The following DYNC1LI1 variants were observed in gnomAD, a reference collection of about 807,000 sequenced individuals.
The protein encoded by DYNC1LI1 is cytoplasmic dynein 1 light intermediate chain 1.
DYNC1LI1 carries 19 observed loss-of-function variants against 63.8 expected under a neutral mutation model. The ratio of observed to expected loss-of-function variants is 0.30; its 90% confidence interval spans 0.21 to 0.44. The LOEUF (loss-of-function observed/expected upper bound fraction) is 0.44, where lower values mean the gene tolerates loss of function less well. Ranked by LOEUF, DYNC1LI1 falls within the 20% of genes least tolerant of loss-of-function variation. The pLI is 1.00. For synonymous variants in DYNC1LI1, 225 were observed against 232.3 expected, an observed-to-expected ratio of 0.97 and a Z score of 0.28; for missense variants, 565 against 630.2, an observed-to-expected ratio of 0.90 and a Z score of 1.11.
rs367562723 is a variant in DYNC1LI1 at position 32,533,033 on chromosome 3, C to T, written c.1033G>A (p.Ala345Thr). 1.2e-5 allele frequency: 20 copies of T among 1,603,158 alleles called. No individual in the cohort carries two copies. The highest frequency in any genetic ancestry group is 1.6e-5 in the Non-Finnish European group (19 of 1,177,512). ...ATGATGTCTTCAAAATTATCTTCTG[C>T]TTTTAATGTTTGAAAATTTTCATGT... is the stretch of plus-strand genomic sequence containing the variant. ...ILHENFQTLKAEDNFEDIITK... is the reference protein window; with the variant it reads ...ILHENFQTLKTEDNFEDIITK... The change falls in exon 8 of 13, where the codon GCA becomes ACA. Residue 345 changes from alanine (A) to threonine (T), a missense_variant. Physicochemically the swap from Ala to Thr is moderately conservative, Grantham distance 58. Coordinates refer to ENST00000273130, the MANE Select transcript of DYNC1LI1 (RefSeq NM_016141.4).
chr3:32,542,523 T>C (rs1278562292), intron 4 of DYNC1LI1, among the ~76,000 whole-genome samples: 6 of 151,084 alleles, frequency 4.0e-5, no homozygotes, highest in South Asian at 2.1e-4. Flanking sequence ...TTCTCCTGCC[T>C]CAGCCTCCCA....
At chr3:32,550,763 G>A (rs60551225) in intron 2 of DYNC1LI1, among the ~76,000 whole-genome samples, 3,183 of 152,236 alleles carry the variant, frequency 0.021, 172 homozygotes, top group East Asian at 0.2. Context: ...AATATTGAGT[G>A]GGGCCTAAGA....
rs1246026337 is a variant in DYNC1LI1, at chr3:32,536,606, G to A, written c.832+405C>T. ...AGCCAGATTTTGAAACCACTGTTAG[G>A]CTATATGTGGAGAAGATGACAACAC... is the stretch of plus-strand genomic sequence containing the variant. On this transcript the variant is annotated intron_variant, in intron 6 of 12. Transcript: ENST00000273130. 2.0e-5 allele frequency among the ~76,000 whole-genome samples: 3 copies of A among 152,048 alleles called. No individual in the cohort carries two copies. In the East Asian group the frequency reaches 5.8e-4, roughly 29 times the overall value.
intron 2 of DYNC1LI1, chr3:32,570,091 G>A: frequency 3.2e-6 from 2 of 624,926 alleles, no homozygotes; most frequent in East Asian, 3.0e-5. Context: ...GTCCTTCCCA[G>A]GGGAAGCTGT....
intron 6 of DYNC1LI1, among the ~76,000 whole-genome samples, chr3:32,535,803 T>C (rs1313369236): frequency 3.3e-5 from 5 of 152,236 alleles, no homozygotes; most frequent in African/African-American, 1.2e-4. Context: ...TTTTGTATTC[T>C]TTTAAAATCA....
chr3:32,567,836 T>C (rs911560080), intron 2 of DYNC1LI1, among the ~76,000 whole-genome samples: 3 of 151,458 alleles, frequency 2.0e-5, no homozygotes, highest in Admixed American at 2.0e-4. Flanking sequence ...CCCGAGTAAC[T>C]GGGATTACAG....
chr3:32,560,957 GCAC>G (rs1317279833), intron 2 of DYNC1LI1, among the ~76,000 whole-genome samples: 1 of 117,608 alleles, frequency 8.5e-6, no homozygotes, highest in East Asian at 2.8e-4. Context: ...AGCCAAGACT[GCAC>G]CACTGCACTC....
intron 5 of DYNC1LI1, among the ~76,000 whole-genome samples, chr3:32,537,971 T>TTATATATATA (rs377104383): frequency 2.9e-5 from 1 of 34,902 alleles, no homozygotes; most frequent in African/African-American, 1.6e-4. Flanking sequence ...AATATATATA[T>TTATATATATA]ATTTATATAT....
At chr3:32,563,343 T>C (rs1288415123) in intron 2 of DYNC1LI1, among the ~76,000 whole-genome samples, 3 of 146,574 alleles carry the variant, frequency 2.0e-5, no homozygotes, top group African/African-American at 7.6e-5. Flanking sequence ...CAGGCTGGAG[T>C]GCGGTGGCAC....
At position 32,529,630 on chromosome 3, in the gene DYNC1LI1, G is replaced by T. The variant is rs770743376; in HGVS notation, c.1216C>A (p.Pro406Thr). The T allele has an allele frequency of 6.2e-7, 1 of 1,608,842 alleles. No individual in the cohort carries two copies. The highest frequency in any genetic ancestry group is 8.5e-7 in the Non-Finnish European group (1 of 1,177,792). ...DASPRVPGGS[P>T]RTPNRSVSSN... is the part of the protein sequence containing the mutation. ...GATACAGATCTATTTGGTGTTCGTG[G>T]GGAGCCTCCTGGGACTCTTGGTGAG... is the stretch of plus-strand genomic sequence containing the variant. Residue 406 changes from proline (P) to threonine (T), a missense_variant, in exon 11 of 13, where the codon CCA (proline) becomes ACA (threonine). By Grantham distance (38) the Pro-to-Thr change is conservative. Transcript: ENST00000273130.
chr3:32,558,611 C>T (rs907976266), intron 2 of DYNC1LI1, among the ~76,000 whole-genome samples: 30 of 151,900 alleles, frequency 2.0e-4, no homozygotes, highest in Middle Eastern at 3.4e-3. Flanking sequence ...TTTGGGAGGC[C>T]GAGGCGGGCC....
intron 12 of DYNC1LI1, among the ~76,000 whole-genome samples, chr3:32,527,510 A>G (rs1292290265): frequency 6.6e-6 from 1 of 152,180 alleles, no homozygotes; most frequent in Non-Finnish European, 1.5e-5. Flanking sequence ...ACAGATGACA[A>G]TAAAAATGTG....
chr3:32,548,096 T>C (rs888882011), intron 2 of DYNC1LI1, among the ~76,000 whole-genome samples: 1 of 151,996 alleles, frequency 6.6e-6, no homozygotes, highest in Admixed American at 6.6e-5. Context: ...TGCAACAATA[T>C]GAATGAACCT....
intron 2 of DYNC1LI1, among the ~76,000 whole-genome samples, chr3:32,555,723 T>C (rs1698106069): frequency 6.6e-6 from 1 of 152,206 alleles, no homozygotes; most frequent in African/African-American, 2.4e-5. Context: ...AGACCCTTCA[T>C]CAGGGCATTC....
chr3:32,563,289 CTTTTT>C (rs1292071061), intron 2 of DYNC1LI1, among the ~76,000 whole-genome samples: 1 of 133,978 alleles, frequency 7.5e-6, no homozygotes, highest in East Asian at 2.2e-4. Flanking sequence ...TGGTCACTTA[CTTTTT>C]TTTTTTTTTT....
chr3:32,538,045 AT>A (rs67406423), intron 5 of DYNC1LI1, among the ~76,000 whole-genome samples: 7,728 of 17,512 alleles, frequency 0.44, 1,905 homozygotes, highest in East Asian at 0.67. Flanking sequence ...ATATATATAT[AT>A]AATTATATAT....
intron 2 of DYNC1LI1, among the ~76,000 whole-genome samples, chr3:32,553,845 G>C (rs1698076357): frequency 6.6e-6 from 1 of 152,212 alleles, no homozygotes; most frequent in Admixed American, 6.5e-5. Flanking sequence ...GGATTCATAG[G>C]AATTTAATGC....
chr3:32,545,228 G>A (rs1575153903), intron 3 of DYNC1LI1, 122 bp from the exon 4 acceptor site: 3 of 688,448 alleles, frequency 4.4e-6, no homozygotes, highest in South Asian at 3.8e-5. Flanking sequence ...CTTTGACAAA[G>A]TTCAACAATT....
chr3:32,538,049 T>TTATATATATAATA (rs1559436609), intron 5 of DYNC1LI1, among the ~76,000 whole-genome samples: 16 of 4,322 alleles, frequency 3.7e-3, no homozygotes, highest in East Asian at 0.013. Context: ...ATATATATAA[T>TTATATATATAATA]TATATATATA....
Sources: gnomAD v4.1 joint callset for allele counts (sites outside exome capture counted in the v4.1 genomes callset) on GRCh38, gnomAD v4.1.1 for gene constraint, MANE v1.5 for transcripts, NCBI Gene and HGNC (gene_info 2026-07-23, HGNC 2026-07-21) for gene names.